C2orf69: variants seen among roughly 807,000 people sequenced by gnomAD.
C2orf69 encodes chromosome 2 open reading frame 69.
Under a neutral mutation model 29.5 loss-of-function variants are expected in C2orf69, and 19 were observed. The ratio of observed to expected loss-of-function variants is 0.65; its 90% confidence interval spans 0.45 to 0.95. The LOEUF (loss-of-function observed/expected upper bound fraction) is 0.95, where lower values mean the gene tolerates loss of function less well. Ranked by LOEUF, C2orf69 falls within the 40% of genes least tolerant of loss-of-function variation. The pLI, the probability that C2orf69 is intolerant of heterozygous loss-of-function variation, is 0.00. For synonymous variants in C2orf69, 194 were observed against 180.0 expected (o/e 1.08, Z -0.62); for missense variants, 416 against 482.1 (o/e 0.86, Z 1.28).
chr2:199,918,563 T>C (rs1386410426), intron 1 of C2orf69, among the ~76,000 whole-genome samples: 1 of 152,114 alleles, frequency 6.6e-6, no homozygotes, highest in Non-Finnish European at 1.5e-5. Context: ...GGTTTCACCA[T>C]GTTGGTCAGG....
At chr2:199,918,064 C>G (rs1022708775) in intron 1 of C2orf69, among the ~76,000 whole-genome samples, 1 of 152,150 alleles carries the variant, frequency 6.6e-6, no homozygotes, top group Non-Finnish European at 1.5e-5. Flanking sequence ...CTCACTGTCA[C>G]CAGAACAGCA....
At chr2:199,921,331 T>C (rs1374627310) in intron 1 of C2orf69, among the ~76,000 whole-genome samples, 2 of 151,978 alleles carry the variant, frequency 1.3e-5, no homozygotes, top group African/African-American at 4.8e-5. Flanking sequence ...TTAACATATA[T>C]GGCAAACTAC....
intron 1 of C2orf69, among the ~76,000 whole-genome samples, chr2:199,920,130 C>G (rs965138027): frequency 6.6e-6 from 1 of 151,566 alleles, no homozygotes; most frequent in African/African-American, 2.4e-5. Context: ...GATGAAAACT[C>G]TCTTGAAAGA....
At chr2:199,917,392 G>T (rs1001063519) in intron 1 of C2orf69, among the ~76,000 whole-genome samples, 4 of 152,054 alleles carry the variant, frequency 2.6e-5, no homozygotes, top group Admixed American at 2.0e-4. Context: ...TCAGAAAATG[G>T]GTTTTTCTTT....
rs1433828711 is a variant in C2orf69, at chr2:199,925,999, G to A, written c.*113G>A. 30 of 695,922 alleles carry A rather than the reference G, an allele frequency of 4.3e-5. No homozygotes were observed. The highest frequency in any genetic ancestry group is 6.6e-5 in the Non-Finnish European group (28 of 423,742). 43.1% of individuals were successfully genotyped at this position (695,922 alleles called of 1,614,324 possible). On this transcript the variant is annotated 3_prime_UTR_variant, in exon 2 of 2. Transcript: ENST00000319974. The surrounding 1 kb of genome is among the most constrained non-coding windows in gnomAD (Gnocchi z 4.9). ...AGCTGCATTGTCAGTTTTGGGGTAT[G>A]GGGGGAAGCACACATTCCTAAAATG...
intron 1 of C2orf69, among the ~76,000 whole-genome samples, chr2:199,913,725 G>T (rs2077283359): frequency 1.3e-5 from 2 of 151,354 alleles, no homozygotes; most frequent in South Asian, 2.1e-4. Context: ...TTGTGGCTCA[G>T]ATTGGGAAAA....
At position 199,925,863 on chromosome 2, in the gene C2orf69, T is replaced by G; in HGVS notation, c.1135T>G (p.Phe379Val). 1 of 1,612,032 alleles carries G rather than the reference T, an allele frequency of 6.2e-7. No homozygotes were observed. The highest frequency in any genetic ancestry group is 8.5e-7 in the Non-Finnish European group (1 of 1,178,494). The change falls in exon 2 of 2, where the codon TTC becomes GTC. Residue 379 changes from phenylalanine to valine, a missense_variant. Coordinates refer to ENST00000319974, the MANE Select transcript of C2orf69 (RefSeq NM_153689.6). This position sits in a 1 kb window ranked among gnomAD's most constrained non-coding sequence, Gnocchi z 4.9. ...GGAAGCTCCTTCCATAGAGAATCAC[T>G]TCAGGGTTCATGAAGTATTTTGAGA... ...TKEAPSIENH[F>V]RVHEVF
intron 1 of C2orf69, among the ~76,000 whole-genome samples, chr2:199,914,142 C>T (rs998852137): frequency 1.3e-5 from 2 of 152,094 alleles, no homozygotes; most frequent in African/African-American, 4.8e-5. Context: ...GTATCCTAGT[C>T]GTCTGTTCTT....
intron 1 of C2orf69, among the ~76,000 whole-genome samples, chr2:199,913,223 TATATATTATAATATATATA>T (rs1233054302): frequency 4.5e-5 from 3 of 67,004 alleles, no homozygotes; most frequent in Non-Finnish European, 8.2e-5. Context: ...TTATATATAA[TATATATTATAATATATATA>T]ATATATATTA....
intron 1 of C2orf69, among the ~76,000 whole-genome samples, chr2:199,913,240 A>AT (rs2077277312): frequency 2.6e-5 from 1 of 38,110 alleles, no homozygotes; most frequent in African/African-American, 1.0e-4. Flanking sequence ...TATAATATAT[A>AT]TAATATATAT....
chr2:199,918,420 G>A (rs762281138), intron 1 of C2orf69, among the ~76,000 whole-genome samples: 5 of 152,084 alleles, frequency 3.3e-5, no homozygotes, highest in Non-Finnish European at 5.9e-5. Context: ...GAAGTGCAGT[G>A]GTACAATCTC....
chr2:199,921,011 T>G (rs1313196790), intron 1 of C2orf69, among the ~76,000 whole-genome samples: 5 of 129,700 alleles, frequency 3.9e-5, no homozygotes, highest in Non-Finnish European at 8.4e-5. Flanking sequence ...GTTTTTTTTT[T>G]TTTTTTTTTT....
At chr2:199,914,620 T>A (rs2077286288) in intron 1 of C2orf69, among the ~76,000 whole-genome samples, 1 of 152,166 alleles carries the variant, frequency 6.6e-6, no homozygotes, top group Non-Finnish European at 1.5e-5. Flanking sequence ...CCTGCAAGGC[T>A]TTTCATTATT....
At chr2:199,913,181 A>ATATAATAT (rs1559291940) in intron 1 of C2orf69, among the ~76,000 whole-genome samples, 2 of 112,418 alleles carry the variant, frequency 1.8e-5, no homozygotes, top group African/African-American at 7.1e-5. Flanking sequence ...TTATATATAA[A>ATATAATAT]ATTATATATA....
rs1294258419 is a variant in C2orf69, at chr2:199,911,727, C to T, written c.289C>T (p.Pro97Ser). Residue 97 changes from proline to serine, a missense_variant, in exon 1 of 2, where the codon CCG (proline) becomes TCG (serine). Physicochemically the swap from Pro to Ser is moderately conservative, Grantham distance 74. Coordinates refer to ENST00000319974, the MANE Select transcript of C2orf69 (RefSeq NM_153689.6). ...PGDPAKEEPQ[P>S]PPQHHVLYFP... ...GGACCCAGCGAAGGAGGAGCCGCAG[C>T]CGCCGCCCCAGCATCACGTCCTCTA... The T allele has an allele frequency of 1.3e-6, 2 of 1,542,642 alleles. No individual in the cohort carries two copies. Among genetic ancestry groups the T allele is most frequent in the East Asian group, 2.4e-5 (1 of 40,904 alleles).
chr2:199,922,057 T>C (rs2077318868), intron 1 of C2orf69, among the ~76,000 whole-genome samples: 2 of 21,848 alleles, frequency 9.2e-5, no homozygotes, highest in Non-Finnish European at 1.9e-4. Context: ...ATATATATGC[T>C]TCCAGAGACA....
intron 1 of C2orf69, among the ~76,000 whole-genome samples, chr2:199,921,146 A>G (rs2077314506): frequency 6.7e-6 from 1 of 149,126 alleles, no homozygotes; most frequent in African/African-American, 2.5e-5. Context: ...AGCTGTGACT[A>G]CAGGCACGCG....
chr2:199,925,602 A>G lies in C2orf69; in HGVS notation c.874A>G (p.Ser292Gly). Residue 292 changes from serine to glycine, a missense_variant, in exon 2 of 2, where the codon AGC becomes GGC. Transcript: ENST00000319974. This position sits in a 1 kb window ranked among gnomAD's most constrained non-coding sequence, Gnocchi z 4.9. ...KDKNIDAFIKSIRTMYWLDGG... is the reference protein window; with the variant it reads ...KDKNIDAFIKGIRTMYWLDGG... ...CAAGAACATAGATGCTTTTATCAAA[A>G]GCATAAGAACAATGTATTGGCTGGA... 6.2e-7 allele frequency: 1 copy of G among 1,613,972 alleles called. No homozygotes were observed. Among genetic ancestry groups the G allele is most frequent in the Non-Finnish European group, 8.5e-7 (1 of 1,179,868 alleles).
At chr2:199,915,372 G>A (rs1439523146) in intron 1 of C2orf69, among the ~76,000 whole-genome samples, 4 of 151,868 alleles carry the variant, frequency 2.6e-5, no homozygotes, top group African/African-American at 9.7e-5. Context: ...GCCTTTTAAA[G>A]TGTTGGGATT....
Sources: gnomAD v4.1 joint callset for allele counts (sites outside exome capture counted in the v4.1 genomes callset) on GRCh38, gnomAD v4.1.1 for gene constraint, Gnocchi (gnomAD v3.1) non-coding constraint, MANE v1.5 for transcripts, NCBI Gene and HGNC (gene_info 2026-07-23, HGNC 2026-07-21) for gene names.